Variants in MYO5C observed in about 807,000 individuals in gnomAD.
MYO5C encodes the protein myosin VC, also known as unconventional myosin-Vc.
In MYO5C, 194 loss-of-function variants were observed where a neutral mutation model predicts 235.7. That is an observed-to-expected ratio of 0.82 (90% CI 0.73 to 0.93). The LOEUF (loss-of-function observed/expected upper bound fraction) is 0.93. Among genes scored for constraint, MYO5C ranks in the 40% least tolerant of loss-of-function variants. MYO5C has a pLI of 0.00. For synonymous variants in MYO5C, 707 were observed against 754.8 expected (o/e 0.94, Z 1.04); for missense variants, 2,038 against 2,127.2 (o/e 0.96, Z 0.82).
intron 1 of MYO5C, among the ~76,000 whole-genome samples, chr15:52,293,080 G>T (rs1490225965): frequency 2.0e-5 from 3 of 152,186 alleles, no homozygotes; most frequent in Non-Finnish European, 4.4e-5. Context: ...TCAAATAGGG[G>T]AACTGCTGCT....
At chr15:52,241,106 TGC>T (rs1269923679) in intron 20 of MYO5C, among the ~76,000 whole-genome samples, 7 of 152,192 alleles carry the variant, frequency 4.6e-5, no homozygotes, top group African/African-American at 1.7e-4. Context: ...TATTAGTCAG[TGC>T]TGGAGAAATC....
In MYO5C at chr15:52,253,421, C is replaced by G. The variant is rs267604256; in HGVS notation, c.1432G>C (p.Glu478Gln). 6 of 1,613,820 alleles carry G rather than the reference C, an allele frequency of 3.7e-6. No homozygotes were observed. Among genetic ancestry groups the G allele is most frequent in the Non-Finnish European group, 4.2e-6 (5 of 1,179,854 alleles). ...TCTATCAGCGTCCAAGGTATATCTT[C>G]CTTCATGTATTCTTCTTGTTCCAGT... The part of the protein sequence containing the change: ...FKLEQEEYMK[E>Q]DIPWTLIDFY... The change falls in exon 12 of 41, where the codon GAA becomes CAA. Residue 478 changes from glutamate to glutamine, a missense_variant. Physicochemically the swap from Glu to Gln is conservative, Grantham distance 29. Transcript: ENST00000261839.
Position 52,249,325 on chromosome 15 carries a change from T to C in MYO5C, c.1663-542A>G, listed in dbSNP as rs74015644. Among the ~76,000 whole-genome samples, 836 of 152,300 alleles carry C rather than the reference T, an allele frequency of 5.5e-3. 8 individuals are homozygous for C. The highest frequency in any genetic ancestry group is 0.019 in the African/African-American group (797 of 41,548). On this transcript the variant is annotated intron_variant, in intron 13 of 40. Transcript: ENST00000261839. Reference sequence around the variant, plus strand: ...CTTAGAAAAACTCTCCATGCTGCCCTTTCTGATGAAGAAGGCTTCTCGAAT... The same window carrying C: ...CTTAGAAAAACTCTCCATGCTGCCCCTTCTGATGAAGAAGGCTTCTCGAAT...
intron 11 of MYO5C, among the ~76,000 whole-genome samples, chr15:52,254,463 C>T (rs1055776119): frequency 6.6e-6 from 1 of 152,028 alleles, no homozygotes; most frequent in Admixed American, 6.6e-5. Context: ...AAGGTGGCAC[C>T]GGCACTTCTA....
chr15:52,239,382 A>T (rs2036162051), intron 21 of MYO5C, among the ~76,000 whole-genome samples: 1 of 152,264 alleles, frequency 6.6e-6, no homozygotes, highest in Non-Finnish European at 1.5e-5. Context: ...TGTCATCCCA[A>T]GGCAGCACGC....
At chr15:52,230,885 T>C (rs1163593444) in intron 24 of MYO5C, among the ~76,000 whole-genome samples, 1 of 140,248 alleles carries the variant, frequency 7.1e-6, no homozygotes, top group Admixed American at 7.7e-5. Flanking sequence ...AGGAGTGCGG[T>C]GGTGCAATCT....
intron 28 of MYO5C, among the ~76,000 whole-genome samples, chr15:52,224,585 A>C (rs2141290908): frequency 6.6e-6 from 1 of 152,322 alleles, no homozygotes; most frequent in South Asian, 2.1e-4. Flanking sequence ...AAAGTTTATT[A>C]ATTTAAATAA....
chr15:52,256,587 A>ACACACACACACACACACACACGCG lies in MYO5C; in HGVS notation c.1395+51_1395+52insCGCGTGTGTGTGTGTGTGTGTGTG. 5 of 567,868 alleles carry ACACACACACACACACACACACGCG rather than the reference A, an allele frequency of 8.8e-6. No homozygotes were observed. In the African/African-American group the frequency reaches 9.8e-5, roughly 11 times the overall value. 35.2% of individuals were successfully genotyped at this position (567,868 alleles called of 1,614,324 possible). ...AACACACACACACACACACACACACACGCGCGCGCGCGCGGCTGAGAACTA... is the reference window on the plus strand; with the variant it reads ...AACACACACACACACACACACACACACACACACACACACACACACACGCGCGCGCGCGCGCGCGGCTGAGAACTA... On this transcript the variant is annotated intron_variant, in intron 11 of 40. Coordinates refer to ENST00000261839, the MANE Select transcript of MYO5C (RefSeq NM_018728.4).
rs1222464688 is a variant in MYO5C, at chr15:52,244,497, TTCTC to T, written c.2245_2248del (p.Glu749AsnfsTer7). 1 of 1,614,216 alleles carries T rather than the reference TTCTC, an allele frequency of 6.2e-7. No homozygotes were observed. Among genetic ancestry groups the T allele is most frequent in the Admixed American group, 1.7e-5 (1 of 60,026 alleles). ...CTGCCTCAGTTTATCCAATCGAAGT[TTCTC>T]TAAATAAGCCACTTGTCCTGCTCTG... is the stretch of plus-strand genomic sequence containing the variant. On this transcript the variant is annotated frameshift_variant, in exon 19 of 41. Coordinates refer to ENST00000261839, the MANE Select transcript of MYO5C (RefSeq NM_018728.4). LOFTEE classifies it high-confidence loss of function.
chr15:52,257,187 G>C (rs1228177594), intron 10 of MYO5C, among the ~76,000 whole-genome samples: 1 of 152,242 alleles, frequency 6.6e-6, no homozygotes, highest in Non-Finnish European at 1.5e-5. Flanking sequence ...TTGAGGGGAG[G>C]AGCAGCACAA....
At chr15:52,219,686 C>G in intron 31 of MYO5C, 73 bp downstream of exon 31, 2 of 1,206,490 alleles carry the variant, frequency 1.7e-6, no homozygotes, top group East Asian at 4.8e-5. Context: ...AGTAACACAT[C>G]TTGGTATATT....
At chr15:52,208,808 A>T (rs929372137) in intron 35 of MYO5C, among the ~76,000 whole-genome samples, 165 bp from the exon 36 acceptor site, 41 of 152,326 alleles carry the variant, frequency 2.7e-4, no homozygotes, top group African/African-American at 9.6e-4. Flanking sequence ...TATTTATTTA[A>T]TAGGTCACAG....
chr15:52,257,052 G>A (rs1419541730), intron 10 of MYO5C, among the ~76,000 whole-genome samples: 4 of 152,200 alleles, frequency 2.6e-5, no homozygotes, highest in South Asian at 2.1e-4. Context: ...AAATAAGCCC[G>A]AGAGGTTAAG....
chr15:52,227,641 TGACAG>T (rs1353932341), intron 25 of MYO5C, among the ~76,000 whole-genome samples: 1 of 152,176 alleles, frequency 6.6e-6, no homozygotes, highest in Non-Finnish European at 1.5e-5. Context: ...CTCAGCCAGA[TGACAG>T]GACTCCCACA....
chr15:52,203,358 A>T (rs2035231008), intron 38 of MYO5C, among the ~76,000 whole-genome samples: 2 of 151,338 alleles, frequency 1.3e-5, no homozygotes, highest in South Asian at 4.2e-4. Flanking sequence ...TTTATTATTT[A>T]TTTTTTTGAG....
intron 40 of MYO5C, among the ~76,000 whole-genome samples, chr15:52,194,813 T>C (rs553523727): frequency 6.6e-6 from 1 of 152,056 alleles, no homozygotes; most frequent in East Asian, 1.9e-4. Context: ...TGTTGTGATA[T>C]GTTATTTTGG....
intron 21 of MYO5C, among the ~76,000 whole-genome samples, chr15:52,239,193 C>T (rs1442143133): frequency 2.0e-5 from 3 of 152,162 alleles, no homozygotes; most frequent in Non-Finnish European, 2.9e-5. Context: ...TCAGGTGATC[C>T]GCCCCCCATG....
intron 32 of MYO5C, among the ~76,000 whole-genome samples, chr15:52,216,066 T>C (rs1354060154): frequency 2.0e-5 from 3 of 152,228 alleles, no homozygotes; most frequent in African/African-American, 7.2e-5. Flanking sequence ...TCAAAGGGAA[T>C]GTACTTTCCA....
At chr15:52,228,186 C>T (rs1032267313) in intron 25 of MYO5C, among the ~76,000 whole-genome samples, 2 of 152,078 alleles carry the variant, frequency 1.3e-5, no homozygotes, top group African/African-American at 2.4e-5. Flanking sequence ...GTCTGTCACC[C>T]AGGCTGGAGT....
Sources: allele counts gnomAD v4.1 joint callset (sites outside exome capture counted in the v4.1 genomes callset), GRCh38; gene constraint gnomAD v4.1.1; transcripts MANE v1.5; gene names NCBI Gene and HGNC (gene_info 2026-07-23, HGNC 2026-07-21).